SLC38A8: variants seen among roughly 807,000 people sequenced by gnomAD.
The protein encoded by SLC38A8 is amino acid transporter SLC38A8.
SLC38A8 carries 65 observed loss-of-function variants against 46.0 expected under a neutral mutation model. The observed-to-expected ratio is 1.41, with a 90% confidence interval of 1.16 to 1.74. The LOEUF (loss-of-function observed/expected upper bound fraction) is 1.74. Ranked by LOEUF, SLC38A8 falls within the 40% of genes most tolerant of loss-of-function variation. The pLI, the probability that SLC38A8 is intolerant of heterozygous loss-of-function variation, is 0.00. For synonymous variants in SLC38A8, 447 were observed against 243.7 expected (o/e 1.83, Z -7.77); for missense variants, 998 against 567.9 (o/e 1.76, Z -7.70).
At chr16:84,014,543 C>T (rs2085001884) in intron 9 of SLC38A8, among the ~76,000 whole-genome samples, 1 of 151,914 alleles carries the variant, frequency 6.6e-6, no homozygotes, top group African/African-American at 2.4e-5. Context: ...TGGCCACACC[C>T]CTCTCCTCTC....
intron 6 of SLC38A8, among the ~76,000 whole-genome samples, chr16:84,024,140 G>T (rs2085131670): frequency 6.6e-6 from 1 of 152,252 alleles, no homozygotes; most frequent in South Asian, 2.1e-4. Context: ...AATGTCTGCA[G>T]ACATGGTCAA....
chr16:84,028,968 A>G (rs544826727), intron 6 of SLC38A8, among the ~76,000 whole-genome samples: 1 of 152,106 alleles, frequency 6.6e-6, no homozygotes, highest in South Asian at 2.1e-4. Context: ...ATGACATTCT[A>G]TTAAAAATTC....
At chr16:84,039,151 C>T (rs986665178) in intron 2 of SLC38A8, among the ~76,000 whole-genome samples, 3 of 152,100 alleles carry the variant, frequency 2.0e-5, no homozygotes, top group African/African-American at 7.2e-5. Context: ...GCACCTGGAG[C>T]CACCAGGAGC....
intron 7 of SLC38A8, among the ~76,000 whole-genome samples, chr16:84,017,682 C>T (rs575979023): frequency 5.3e-5 from 8 of 152,312 alleles, no homozygotes; most frequent in Admixed American, 2.0e-4. Flanking sequence ...TGGGGAAAAC[C>T]AAGAGCCAGG....
In SLC38A8 at chr16:84,036,232, T is replaced by C. The variant is rs149427839; in HGVS notation, c.388+470A>G. ...GGAGCAAATATTTTAAATTTTCCAT[T>C]CATGAGGAATGAGTCCAGTGAAAAT... On this transcript the variant is annotated intron_variant, in intron 3 of 10. Coordinates refer to ENST00000299709, the MANE Select transcript of SLC38A8 (RefSeq NM_001080442.3). 3.6e-3 allele frequency among the ~76,000 whole-genome samples: 548 copies of C among 152,344 alleles called. 2 individuals are homozygous for C. Among genetic ancestry groups the C allele is most frequent in the African/African-American group, 0.012 (504 of 41,572 alleles).
chr16:84,030,258 G>A (rs535396052), intron 5 of SLC38A8, among the ~76,000 whole-genome samples: 4 of 152,234 alleles, frequency 2.6e-5, no homozygotes, highest in Admixed American at 6.5e-5. Flanking sequence ...TGGAGTCTTC[G>A]GAGGGAGCAT....
intron 6 of SLC38A8, among the ~76,000 whole-genome samples, chr16:84,025,056 T>G (rs1249433131): frequency 6.6e-6 from 1 of 152,118 alleles, no homozygotes; most frequent in Non-Finnish European, 1.5e-5. Flanking sequence ...TTTCCCTGGG[T>G]GGGTCGTGGA....
chr16:84,040,624 G>T (rs1047179989), intron 2 of SLC38A8, among the ~76,000 whole-genome samples: 2 of 152,156 alleles, frequency 1.3e-5, no homozygotes, highest in African/African-American at 4.8e-5. Context: ...TGCTGTAATG[G>T]CAGGCTTCCT....
chr16:84,029,800 G>C (rs576783867), intron 5 of SLC38A8, among the ~76,000 whole-genome samples: 2 of 152,322 alleles, frequency 1.3e-5, no homozygotes, highest in East Asian at 1.9e-4. Flanking sequence ...GCAGAATTTG[G>C]GCAGGAAAAC....
At chr16:84,032,676 G>C (rs968097365) in intron 4 of SLC38A8, among the ~76,000 whole-genome samples, 1 of 152,242 alleles carries the variant, frequency 6.6e-6, no homozygotes, top group African/African-American at 2.4e-5. Context: ...TTGCAGGGCA[G>C]AGACCTGAGG....
chr16:84,012,843 C>A (rs2151111568), intron 10 of SLC38A8, among the ~76,000 whole-genome samples, 158 bp downstream of exon 10: 1 of 152,300 alleles, frequency 6.6e-6, no homozygotes, highest in Middle Eastern at 3.4e-3. Flanking sequence ...GCTCAGATGC[C>A]CTCATACTGG....
At chr16:84,027,699 A>G (rs2085181651) in intron 6 of SLC38A8, among the ~76,000 whole-genome samples, 1 of 151,920 alleles carries the variant, frequency 6.6e-6, no homozygotes, top group African/African-American at 2.4e-5. Flanking sequence ...TTCAGTTCCT[A>G]TCCTTCCCAG....
At chr16:84,023,639 A>G (rs968165230) in intron 6 of SLC38A8, among the ~76,000 whole-genome samples, 4 of 152,192 alleles carry the variant, frequency 2.6e-5, no homozygotes, top group Non-Finnish European at 5.9e-5. Context: ...CGCACCTGTC[A>G]CCCCAGCACT....
At chr16:84,036,573 G>C (rs562532491) in intron 3 of SLC38A8, 129 bp downstream of exon 3, 77 of 1,016,812 alleles carry the variant, frequency 7.6e-5, no homozygotes, top group Non-Finnish European at 1.0e-4. Context: ...AGGAACAAGA[G>C]TGTGGTTTCA....
At chr16:84,036,636 G>C (rs2085302193) in intron 3 of SLC38A8, 66 bp downstream of exon 3, 4 of 1,577,010 alleles carry the variant, frequency 2.5e-6, no homozygotes, top group Non-Finnish European at 1.7e-6. Flanking sequence ...TGCTCAACTG[G>C]AAACTCCAAG....
rs148639831 is a variant in SLC38A8 at position 84,019,760 on chromosome 16, C to A, written c.806-2473G>T. On this transcript the variant is annotated intron_variant, in intron 7 of 10. Coordinates refer to ENST00000299709, the MANE Select transcript of SLC38A8 (RefSeq NM_001080442.3). The stretch of plus-strand genomic sequence containing the variant: ...GCAATCTACTTCCAGGACACAATGG[C>A]AGTGCAGGCAAAAGAAACATTCTCA... 5.8e-4 allele frequency among the ~76,000 whole-genome samples: 89 copies of A among 152,348 alleles called. 2 individuals are homozygous for A. The highest frequency in any genetic ancestry group is 1.7e-3 in the African/African-American group (72 of 41,584).
At chr16:84,024,131 A>C (rs9929736) in intron 6 of SLC38A8, among the ~76,000 whole-genome samples, 49,752 of 151,654 alleles carry the variant, frequency 0.33, 8,440 homozygotes, top group African/African-American at 0.36. Context: ...ACAACCCAAA[A>C]TGTCTGCAGA....
intron 6 of SLC38A8, among the ~76,000 whole-genome samples, chr16:84,028,707 C>G (rs2085198230): frequency 6.6e-6 from 1 of 150,744 alleles, no homozygotes. Context: ...GCCCCGCCAC[C>G]TTCCCCCCAG....
intron 2 of SLC38A8, 122 bp downstream of exon 2, chr16:84,041,847 T>A (rs1036418692): frequency 2.3e-6 from 2 of 883,122 alleles, no homozygotes; most frequent in African/African-American, 3.4e-5. Flanking sequence ...GGATAGAAAA[T>A]AAAACCCCGA....
Sources: allele counts gnomAD v4.1 joint callset (sites outside exome capture counted in the v4.1 genomes callset), GRCh38; gene constraint gnomAD v4.1.1; transcripts MANE v1.5; gene names NCBI Gene and HGNC (gene_info 2026-07-23, HGNC 2026-07-21).